The following CCDC126 variants were observed in gnomAD, a reference collection of about 807,000 sequenced individuals.
CCDC126 encodes the protein coiled-coil domain containing 126.
Under a neutral mutation model 11.7 loss-of-function variants are expected in CCDC126, and 5 were observed. The ratio of observed to expected loss-of-function variants is 0.43; its 90% confidence interval spans 0.22 to 0.90. The LOEUF is 0.90. CCDC126 is among the 40% of genes least tolerant of loss of function. The pLI is 0.27. For synonymous variants in CCDC126, 60 were observed against 61.9 expected (o/e 0.97, Z 0.14); for missense variants, 150 against 163.1 (o/e 0.92, Z 0.44).
intron 3 of CCDC126, among the ~76,000 whole-genome samples, chr7:23,623,326 G>T (rs1782956144): frequency 1.3e-5 from 2 of 152,032 alleles, no homozygotes; most frequent in Non-Finnish European, 2.9e-5. Flanking sequence ...GACCAGGCAT[G>T]GTGGCTCATG....
intron 3 of CCDC126, among the ~76,000 whole-genome samples, chr7:23,638,179 G>T (rs1261569986): frequency 4.0e-5 from 6 of 149,052 alleles, no homozygotes; most frequent in African/African-American, 1.2e-4. Flanking sequence ...GAAGTGAGGA[G>T]CCCCTCTGCC....
chr7:23,611,673 T>C, intron 3 of CCDC126, 120 bp downstream of exon 3: 1 of 688,054 alleles, frequency 1.5e-6, no homozygotes, highest in South Asian at 1.9e-5. Context: ...TGACTTTTTA[T>C]TATGAAAATT....
At chr7:23,609,745 C>G (rs921287618) in intron 2 of CCDC126, among the ~76,000 whole-genome samples, 2 of 152,070 alleles carry the variant, frequency 1.3e-5, no homozygotes, top group African/African-American at 4.8e-5. Context: ...GCCTGTGGTC[C>G]CAGCTACTCG....
chr7:23,624,459 GATAAC>G (rs1169089811), intron 3 of CCDC126, among the ~76,000 whole-genome samples: 1 of 152,154 alleles, frequency 6.6e-6, no homozygotes, highest in Non-Finnish European at 1.5e-5. Flanking sequence ...TATAGAAATA[GATAAC>G]ATAAATAAGC....
intron 2 of CCDC126, among the ~76,000 whole-genome samples, chr7:23,605,147 T>C (rs1199066870): frequency 6.6e-6 from 1 of 152,068 alleles, no homozygotes; most frequent in East Asian, 1.9e-4. Context: ...GGGAAAGTAC[T>C]CCAAGCTAGG....
At chr7:23,630,330 C>G (rs1442953234) in intron 3 of CCDC126, among the ~76,000 whole-genome samples, 1 of 151,412 alleles carries the variant, frequency 6.6e-6, no homozygotes, top group African/African-American at 2.4e-5. Flanking sequence ...GAAACCCCAT[C>G]TCTACTAAAA....
rs182773251 is a variant in CCDC126, at chr7:23,643,168, C to G, written c.*53C>G. ...ATCCACTGTGGATTATATCCTATGG[C>G]AGAAAAGCTTTATAATTGCTGGCTT... On this transcript the variant is annotated 3_prime_UTR_variant, in exon 4 of 4. Transcript: ENST00000307471. 433 of 1,497,948 alleles carry G rather than the reference C, an allele frequency of 2.9e-4. No homozygotes were observed. The African/African-American group carries it at 5.5e-3, about 19-fold the overall frequency. 92.8% of individuals were successfully genotyped at this position (1,497,948 alleles called of 1,614,324 possible). A position where few individuals can be genotyped will look rare whatever the true frequency, so the allele number is the denominator to read the frequency against.
chr7:23,606,296 G>T (rs774274407), intron 2 of CCDC126, among the ~76,000 whole-genome samples: 7 of 152,072 alleles, frequency 4.6e-5, no homozygotes, highest in Non-Finnish European at 5.9e-5. Context: ...CTGACCTCGT[G>T]ATCTGCCTGC....
chr7:23,620,236 A>G (rs1022607449), intron 3 of CCDC126, among the ~76,000 whole-genome samples: 46 of 152,292 alleles, frequency 3.0e-4, no homozygotes, highest in African/African-American at 1.1e-3. Flanking sequence ...CATCCTCTCC[A>G]GCACCTGTTG....
chr7:23,642,116 A>G (rs1029233374), intron 3 of CCDC126, among the ~76,000 whole-genome samples: 4 of 152,002 alleles, frequency 2.6e-5, no homozygotes, highest in Non-Finnish European at 4.4e-5. Flanking sequence ...GGTTCAAGGG[A>G]TTCTCCTGCC....
rs577393725 is a variant in CCDC126 at position 23,639,401 on chromosome 7, G to A, written c.239-3530G>A. 2.0e-5 allele frequency among the ~76,000 whole-genome samples: 3 copies of A among 152,156 alleles called. No homozygotes were observed. The South Asian group carries it at 6.2e-4, about 32-fold the overall frequency. On this transcript the variant is annotated intron_variant, in intron 3 of 3. Transcript: ENST00000307471. The stretch of plus-strand genomic sequence containing the variant: ...GTGGAGACGGGGTTTCACCATGTTG[G>A]CCATGGTGGCCAGGCTGGTCTTGAA...
intron 3 of CCDC126, chr7:23,622,829 C>T (rs2128018508): frequency 4.7e-6 from 2 of 424,310 alleles, no homozygotes; most frequent in Non-Finnish European, 9.2e-6. Context: ...CATTCTAAAT[C>T]TTACAAGACA....
intron 2 of CCDC126, among the ~76,000 whole-genome samples, chr7:23,601,411 A>G (rs1258339278): frequency 1.3e-5 from 2 of 152,194 alleles, no homozygotes; most frequent in African/African-American, 2.4e-5. Context: ...GTATGCATGC[A>G]TATGTCTGTA....
chr7:23,602,488 G>A (rs1443632855), intron 2 of CCDC126, among the ~76,000 whole-genome samples: 2 of 152,090 alleles, frequency 1.3e-5, no homozygotes, highest in Middle Eastern at 3.2e-3. Context: ...CTTAAGACAG[G>A]GGAACACAAA....
chr7:23,629,406 C>G (rs1439148046), intron 3 of CCDC126, among the ~76,000 whole-genome samples: 1 of 152,190 alleles, frequency 6.6e-6, no homozygotes, highest in Non-Finnish European at 1.5e-5. Context: ...TGTATACTTT[C>G]CAGCCTCCAG....
intron 2 of CCDC126, among the ~76,000 whole-genome samples, chr7:23,606,870 C>T (rs227918): frequency 0.47 from 71,824 of 151,488 alleles, 17,624 homozygotes; most frequent in South Asian, 0.65. Context: ...CAGGTGATCA[C>T]GTGATGAGGC....
At chr7:23,630,497 G>GTCAATCAA (rs1226677577) in intron 3 of CCDC126, among the ~76,000 whole-genome samples, 1 of 150,720 alleles carries the variant, frequency 6.6e-6, no homozygotes, top group Non-Finnish European at 1.5e-5. Context: ...GACTGTTTCA[G>GTCAATCAA]TCAATCAATC....
intron 2 of CCDC126, among the ~76,000 whole-genome samples, chr7:23,601,548 T>C (rs1290185856): frequency 1.3e-5 from 2 of 152,238 alleles, no homozygotes; most frequent in East Asian, 3.8e-4. Flanking sequence ...TGTTCCCTGC[T>C]TTTGAAAAAC....
At chr7:23,642,888 A>G (rs1431554735) in intron 3 of CCDC126, 43 bp from the exon 4 acceptor site, 2 of 1,464,746 alleles carry the variant, frequency 1.4e-6, no homozygotes, top group Non-Finnish European at 1.9e-6. Flanking sequence ...ACAAAAATGA[A>G]GAGCTCTATT....
Sources: gnomAD v4.1 joint callset for allele counts (sites outside exome capture counted in the v4.1 genomes callset) on GRCh38, gnomAD v4.1.1 for gene constraint, MANE v1.5 for transcripts, NCBI Gene and HGNC (gene_info 2026-07-23, HGNC 2026-07-21) for gene names.